The following APBB1 variants were observed in gnomAD, a reference collection of about 807,000 sequenced individuals.
APBB1 encodes the protein adaptor protein FE65a2.
APBB1 carries 22 observed loss-of-function variants against 78.4 expected under a neutral mutation model. The ratio of observed to expected loss-of-function variants is 0.28; its 90% CI spans 0.20 to 0.40. The LOEUF is 0.40. Among genes scored for constraint, APBB1 ranks in the 10% least tolerant of loss-of-function variants. The pLI is 1.00. For synonymous variants in APBB1, 369 were observed against 372.7 expected (o/e 0.99, Z 0.12); for missense variants, 749 against 932.4 (o/e 0.80, Z 2.56).
chr11:6,402,534 A>T, intron 7 of APBB1, 42 bp downstream of exon 7: 1 of 1,592,452 alleles, frequency 6.3e-7, no homozygotes, highest in Non-Finnish European at 8.6e-7. Flanking sequence ...TTCCCTTCAC[A>T]CTCTCACAGT....
Position 6,403,966 on chromosome 11 carries a change from G to T in APBB1, c.722-144C>A. On this transcript the variant is annotated intron_variant, in intron 2 of 14. Coordinates refer to ENST00000609360, the MANE Select transcript of APBB1 (RefSeq NM_001164.5). This position sits in a 1 kb window ranked among gnomAD's most constrained non-coding sequence, Gnocchi z 5.3. Reference sequence around the variant, plus strand: ...AACACAGTTCCTGCTTCTGCCTAGAGCCTATAGTCTGGAGTCACCACATGT... The same window carrying T: ...AACACAGTTCCTGCTTCTGCCTAGATCCTATAGTCTGGAGTCACCACATGT... 2.2e-6 allele frequency: 2 copies of T among 916,580 alleles called. No individual in the cohort carries two copies. Among genetic ancestry groups the T allele is most frequent in the Non-Finnish European group, 3.1e-6 (2 of 635,492 alleles). The allele number at this position is 916,580 out of a possible 1,614,324, so 56.8% of individuals were successfully genotyped here.
At chr11:6,396,486 G>C in intron 12 of APBB1, 1 of 411,500 alleles carries the variant, frequency 2.4e-6, no homozygotes, top group Non-Finnish European at 4.4e-6. Flanking sequence ...CTTCTGAACT[G>C]ACTGACCTCT....
intron 2 of APBB1, chr11:6,405,005 T>TG: frequency 1.4e-6 from 2 of 1,423,528 alleles, no homozygotes; most frequent in South Asian, 1.5e-5. Context: ...GGAATCTCCT[T>TG]GGGGGGTGGG....
intron 2 of APBB1, among the ~76,000 whole-genome samples, chr11:6,407,408 C>T (rs979346224): frequency 7.2e-5 from 11 of 152,232 alleles, no homozygotes; most frequent in African/African-American, 2.7e-4. Flanking sequence ...ATCCCAGGGG[C>T]AAGTGAGCAA....
Position 6,411,327 on chromosome 11 carries a change from C to T in APBB1, c.21G>A (p.Leu7=), listed in dbSNP as rs774459886. The T allele has an allele frequency of 2.6e-6, 4 of 1,547,648 alleles. No homozygotes were observed. The highest frequency in any genetic ancestry group is 3.5e-6 in the Non-Finnish European group (4 of 1,147,534). The change falls in exon 2 of 15, where the codon CTG becomes CTA. Residue 7 remains leucine, a synonymous_variant. Coordinates refer to ENST00000609360, the MANE Select transcript of APBB1 (RefSeq NM_001164.5). The surrounding 1 kb of genome is among the most constrained non-coding windows in gnomAD (Gnocchi z 5.2). Reference sequence around the variant, plus strand: ...TGTTGGCATTAATGGCCGACTGGCTCAGTGATGATGGAACAGACATGGCCT... The same window carrying T: ...TGTTGGCATTAATGGCCGACTGGCTTAGTGATGATGGAACAGACATGGCCT... MSVPSS[L]SQSAINANSH...
chr11:6,411,217 G>C lies in APBB1; in HGVS notation c.131C>G (p.Ala44Gly), dbSNP rs1382467572. 2 of 1,607,408 alleles carry C rather than the reference G, an allele frequency of 1.2e-6. No homozygotes were observed. Among genetic ancestry groups the C allele is most frequent in the South Asian group, 2.2e-5 (2 of 90,928 alleles). The change falls in exon 2 of 15, where the codon GCT becomes GGT. Residue 44 changes from alanine to glycine, a missense_variant. By Grantham distance (60) the Ala-to-Gly change is moderately conservative. Coordinates refer to ENST00000609360, the MANE Select transcript of APBB1 (RefSeq NM_001164.5). This position sits in a 1 kb window ranked among gnomAD's most constrained non-coding sequence, Gnocchi z 5.2. ...GCTGCGCAGGTCCTTGGGTCCCACA[G>C]CTGTGGCCTGCAGCTTGGCGTTGAG... Reference protein sequence around the residue: ...QLLNAKLQATAVGPKDLRSAM... With the variant: ...QLLNAKLQATGVGPKDLRSAM...
chr11:6,401,923 G>T lies in APBB1; in HGVS notation c.1388+54C>A, dbSNP rs757562528. On this transcript the variant is annotated intron_variant, in intron 9 of 14. Transcript: ENST00000609360. This position sits in a 1 kb window ranked among gnomAD's most constrained non-coding sequence, Gnocchi z 4.5. ...GGGGCAGGGCAGAAGAGGGGAGCTT[G>T]GGTGCTTCCAGGCATCTGGTCCAGG... The T allele has an allele frequency of 3.2e-6, 5 of 1,551,692 alleles. No homozygotes were observed. In the Admixed American group the frequency reaches 8.8e-5, roughly 27 times the overall value.
At chr11:6,404,827 C>T (rs1848726363) in intron 2 of APBB1, 1 of 1,534,962 alleles carries the variant, frequency 6.5e-7, no homozygotes. Context: ...CCTGCCTCCA[C>T]CCTCCCTCCT....
Position 6,411,363 on chromosome 11 carries a change from T to G in APBB1, c.-14-2A>C. ...GAACAGACATGGCCTTGGCAGCTCC[T>G]GTGGGGTGCGGAGGGGAGATGCTGT... On this transcript the variant is annotated splice_acceptor_variant, in intron 1 of 14. Coordinates refer to ENST00000609360, the MANE Select transcript of APBB1 (RefSeq NM_001164.5). LOFTEE classifies it low-confidence loss of function (5UTR_SPLICE). The surrounding 1 kb of genome is among the most constrained non-coding windows in gnomAD (Gnocchi z 5.2). 6.6e-7 allele frequency: 1 copy of G among 1,524,360 alleles called. No individual in the cohort carries two copies. 94.4% of individuals were successfully genotyped at this position (1,524,360 alleles called of 1,614,324 possible).
Position 6,395,769 on chromosome 11 carries a change from C to G in APBB1, c.1965+17G>C. 1 of 1,607,408 alleles carries G rather than the reference C, an allele frequency of 6.2e-7. No individual in the cohort carries two copies. Among genetic ancestry groups the G allele is most frequent in the South Asian group, 1.1e-5 (1 of 90,548 alleles). The stretch of plus-strand genomic sequence containing the variant: ...ATGGGGCCACGCCACCACCACACCA[C>G]CCTACTAGTAGCTTACCATGCACGC... On this transcript the variant is annotated intron_variant, in intron 14 of 14. Transcript: ENST00000609360. This position sits in a 1 kb window ranked among gnomAD's most constrained non-coding sequence, Gnocchi z 5.2.
chr11:6,405,998 T>C (rs112771543), intron 2 of APBB1, among the ~76,000 whole-genome samples: 6 of 152,166 alleles, frequency 3.9e-5, no homozygotes, highest in African/African-American at 1.4e-4. Flanking sequence ...CACACACCAA[T>C]CCATCTGCCA....
At chr11:6,416,645 C>T (rs1172917757) in intron 1 of APBB1, among the ~76,000 whole-genome samples, 1 of 152,188 alleles carries the variant, frequency 6.6e-6, no homozygotes, top group Non-Finnish European at 1.5e-5. Context: ...TTCAATCCAT[C>T]TCTAGGTACT....
Position 6,398,040 on chromosome 11 carries a change from G to T in APBB1, c.1673-1825C>A, listed in dbSNP as rs1464092608. ...CATAGTCAAACTGCTGAATAGATGG[G>T]GCTGTGGGAGATGGAGCCTGGCCTC... On this transcript the variant is annotated intron_variant, in intron 12 of 14. Transcript: ENST00000609360. Among the ~76,000 whole-genome samples, 3 of 152,214 alleles carry T rather than the reference G, an allele frequency of 2.0e-5. No individual in the cohort carries two copies. In the South Asian group the frequency reaches 6.2e-4, roughly 31 times the overall value.
chr11:6,398,131 C>A (rs1590759268), intron 12 of APBB1, among the ~76,000 whole-genome samples: 1 of 152,256 alleles, frequency 6.6e-6, no homozygotes, highest in Admixed American at 6.5e-5. Context: ...AAAAGGCTGT[C>A]AGATTTGATA....
chr11:6,407,816 G>A (rs2634193), intron 2 of APBB1, among the ~76,000 whole-genome samples: 51,699 of 148,062 alleles, frequency 0.35, 10,274 homozygotes, highest in African/African-American at 0.55. Flanking sequence ...TCTGTCGCCC[G>A]GGCCGGACTG....
chr11:6,401,438 G>A lies in APBB1; in HGVS notation c.1504-9C>T. The A allele has an allele frequency of 6.2e-7, 1 of 1,613,328 alleles. No homozygotes were observed. The highest frequency in any genetic ancestry group is 8.5e-7 in the Non-Finnish European group (1 of 1,179,346). ...CGCCGTTCGGCCATGATCTGAGGAA[G>A]GAAGGGAGGCGAGGAGCCAGGGAGA... is the stretch of plus-strand genomic sequence containing the variant. On this transcript the variant is annotated splice_polypyrimidine_tract_variant and intron_variant, in intron 10 of 14. Transcript: ENST00000609360. This position sits in a 1 kb window ranked among gnomAD's most constrained non-coding sequence, Gnocchi z 4.5.
At chr11:6,402,889 A>T in intron 6 of APBB1, 164 bp from the exon 7 acceptor site, 1 of 903,092 alleles carries the variant, frequency 1.1e-6, no homozygotes, top group Non-Finnish European at 1.7e-6. Flanking sequence ...GGTGAGGGAG[A>T]TGTCAGATGA....
intron 2 of APBB1, among the ~76,000 whole-genome samples, chr11:6,410,125 T>G (rs945694803): frequency 6.7e-6 from 1 of 150,220 alleles, no homozygotes; most frequent in Non-Finnish European, 1.5e-5. Context: ...TGCACCTGAG[T>G]GCATTGTGCT....
rs1444946776 is a variant in APBB1 at position 6,411,299 on chromosome 11, G to C, written c.49C>G (p.His17Asp). The stretch of plus-strand genomic sequence containing the variant: ...GGTAGGCTCAGTGCGGGGCCTCCGT[G>C]GCTGTTGGCATTAATGGCCGACTGG... ...LSQSAINANSHGGPALSLPLP... is the reference protein window; with the variant it reads ...LSQSAINANSDGGPALSLPLP... The change falls in exon 2 of 15, where the codon CAC (histidine) becomes GAC (aspartate). Residue 17 changes from histidine to aspartate, a missense_variant. By Grantham distance (81) the His-to-Asp change is moderately conservative (BLOSUM62 -1). This residue lies in a region of APBB1 where 635 missense variants were observed against 765.0 expected (regional missense o/e 0.83). Transcript: ENST00000609360. This position sits in a 1 kb window ranked among gnomAD's most constrained non-coding sequence, Gnocchi z 5.2. 3.2e-6 allele frequency: 5 copies of C among 1,564,140 alleles called. No individual in the cohort carries two copies. The African/African-American group carries it at 6.8e-5, about 21-fold the overall frequency.
Sources: allele counts gnomAD v4.1 joint callset (sites outside exome capture counted in the v4.1 genomes callset), GRCh38; gene constraint gnomAD v4.1.1; regional missense constraint gnomAD v4.1.1; non-coding constraint Gnocchi (gnomAD v3.1); transcripts MANE v1.5; gene names NCBI Gene and HGNC (gene_info 2026-07-23, HGNC 2026-07-21).